The following GGT7 variants were observed in gnomAD, a reference collection of about 807,000 sequenced individuals.
The protein encoded by GGT7 is glutathione hydrolase 7.
GGT7 carries 30 observed loss-of-function variants against 69.2 expected under a neutral mutation model. The observed-to-expected ratio is 0.43, with a 90% CI of 0.32 to 0.59. The LOEUF (loss-of-function observed/expected upper bound fraction) is 0.59. GGT7 is among the 20% of genes least tolerant of loss of function. GGT7 has a pLI of 0.05. For synonymous variants in GGT7, 388 were observed against 391.8 expected, an observed-to-expected ratio of 0.99 and a Z score of 0.12; for missense variants, 733 against 901.1, an observed-to-expected ratio of 0.81 and a Z score of 2.39.
Position 34,859,633 on chromosome 20 carries a change from G to T in GGT7, c.824C>A (p.Ala275Asp). The change falls in exon 7 of 15, where the codon GCC becomes GAC. Residue 275 changes from alanine (A) to aspartate (D), a missense_variant. Ala to Asp is a moderately radical substitution (Grantham distance 126). Coordinates refer to ENST00000336431, the MANE Select transcript of GGT7 (RefSeq NM_178026.3). ...GFNVTHDLAR[A>D]LAEQLPPNMS... ...GTTGGGTGGCAGCTGTTCAGCCAGG[G>T]CACGGGCTAGGGGCAGGGACGGGAG... 1 of 1,594,204 alleles carries T rather than the reference G, an allele frequency of 6.3e-7. No homozygotes were observed.
chr20:34,854,805 C>A lies in GGT7; in HGVS notation c.1221G>T (p.Trp407Cys). 1 of 1,614,120 alleles carries A rather than the reference C, an allele frequency of 6.2e-7. No homozygotes were observed. The highest frequency in any genetic ancestry group is 8.5e-7 in the Non-Finnish European group (1 of 1,180,034). The change falls in exon 9 of 15, where the codon TGG becomes TGT. Residue 407 changes from tryptophan (W) to cysteine (C), a missense_variant. Physicochemically the swap from Trp to Cys is radical, Grantham distance 215. Coordinates refer to ENST00000336431, the MANE Select transcript of GGT7 (RefSeq NM_178026.3). ...GACGGGTCAGCCTTACCTCTGCCAC[C>A]CAGTGAAGAGCCTGTTCTCGGGATA... is the stretch of plus-strand genomic sequence containing the variant. ...SLVSREQALH[W>C]VAETLKIALA...
chr20:34,863,635 C>A lies in GGT7; in HGVS notation c.170-87G>T, dbSNP rs2079639402. 3 of 870,380 alleles carry A rather than the reference C, an allele frequency of 3.4e-6. No homozygotes were observed. Among genetic ancestry groups the A allele is most frequent in the Non-Finnish European group, 5.7e-6 (3 of 525,484 alleles). 53.9% of individuals were successfully genotyped at this position (870,380 alleles called of 1,614,324 possible). A position where few individuals can be genotyped will look rare whatever the true frequency, so the allele number is the denominator to read the frequency against. ...GTGGGACTATTCAGCGCTTTCCCTG[C>A]CCCGCCCCTGCCACACAATCCCCGC... On this transcript the variant is annotated intron_variant, in intron 1 of 14. Coordinates refer to ENST00000336431, the MANE Select transcript of GGT7 (RefSeq NM_178026.3). This position sits in a 1 kb window ranked among gnomAD's most constrained non-coding sequence, Gnocchi z 4.4.
In GGT7 at chr20:34,862,817, C is replaced by A; in HGVS notation, c.554G>T (p.Gly185Val). ...GIVAPHSSGL[G>V]GGGVMLVHDI... ...CCCGACCTCCACTGCTCCTTACCCG[C>A]CCAGGCCAGAACTGTGTGGAGCCAC... Residue 185 changes from glycine to valine, a missense_variant, in exon 3 of 15, where the codon GGC becomes GTC. Gly to Val is a moderately radical substitution (Grantham distance 109). Transcript: ENST00000336431. The A allele has an allele frequency of 6.2e-7, 1 of 1,614,052 alleles. No homozygotes were observed. The highest frequency in any genetic ancestry group is 1.1e-5 in the South Asian group (1 of 91,076).
rs2079625956 is a variant in GGT7, at chr20:34,863,082, C to T, written c.406-117G>A. 9 of 1,047,176 alleles carry T rather than the reference C, an allele frequency of 8.6e-6. No individual in the cohort carries two copies. Among genetic ancestry groups the T allele is most frequent in the Non-Finnish European group, 9.8e-6 (7 of 716,472 alleles). The allele number at this position is 1,047,176 out of a possible 1,614,324, so 64.9% of individuals were successfully genotyped here. ...AGGTCGAAGCCCTGCCCCCTTGTTG[C>T]CTTGACTCTGCCCTCATTACCCCAA... On this transcript the variant is annotated intron_variant, in intron 2 of 14. Transcript: ENST00000336431. This position sits in a 1 kb window ranked among gnomAD's most constrained non-coding sequence, Gnocchi z 4.4.
intron 6 of GGT7, 37 bp downstream of exon 6, chr20:34,859,932 A>G: frequency 3.6e-6 from 5 of 1,371,766 alleles, no homozygotes; most frequent in Non-Finnish European, 5.1e-6. Context: ...TTCTCCATCA[A>G]CCTCATGTCT....
chr20:34,847,707 A>G (rs745549553), intron 14 of GGT7, among the ~76,000 whole-genome samples: 2 of 152,254 alleles, frequency 1.3e-5, no homozygotes, highest in Non-Finnish European at 2.9e-5. Flanking sequence ...CTATTTGTAT[A>G]GCTAACAAAT....
At chr20:34,856,742 G>C in intron 8 of GGT7, 64 bp downstream of exon 8, 2 of 904,746 alleles carry the variant, frequency 2.2e-6, no homozygotes, top group Non-Finnish European at 3.6e-6. Flanking sequence ...AGGCCAAAAC[G>C]ATGTGGCCAT....
intron 14 of GGT7, 35 bp downstream of exon 14, chr20:34,849,926 G>C: frequency 7.6e-7 from 1 of 1,322,378 alleles, no homozygotes; most frequent in Non-Finnish European, 1.1e-6. Flanking sequence ...ACCTGTCCCT[G>C]TGCCCGCCCC....
At chr20:34,862,671 G>A in intron 3 of GGT7, 143 bp downstream of exon 3, 2 of 799,622 alleles carry the variant, frequency 2.5e-6, no homozygotes, top group Non-Finnish European at 4.2e-6. Flanking sequence ...GGAGAAGGGG[G>A]TGAAATTTGG....
In GGT7 at chr20:34,851,311, G is replaced by T. The variant is rs1447362603; in HGVS notation, c.1645C>A (p.Arg549=). 1 of 1,613,932 alleles carries T rather than the reference G, an allele frequency of 6.2e-7. No homozygotes were observed. The highest frequency in any genetic ancestry group is 8.5e-7 in the Non-Finnish European group (1 of 1,180,022). Residue 549 remains arginine, a synonymous_variant, in exon 13 of 15, where the codon CGA becomes AGA. Transcript: ENST00000336431. ...PLSFLLPTVV[R]PAEGLCGTYL... is the part of the protein sequence containing the mutation. The stretch of plus-strand genomic sequence containing the variant: ...GTTCCACAGAGCCCCTCCGCGGGTC[G>T]GACCACTGTGGGCAGCAGGAAAGAG...
At chr20:34,851,147 A>G (rs1422168529) in intron 13 of GGT7, 84 bp downstream of exon 13, 1 of 1,540,988 alleles carries the variant, frequency 6.5e-7, no homozygotes, top group African/African-American at 1.4e-5. Context: ...GAATGGAAAC[A>G]AGCCACAGAT....
chr20:34,845,415 C>T lies in GGT7; in HGVS notation c.1902G>A (p.Trp634Ter). The T allele has an allele frequency of 1.2e-6, 2 of 1,614,062 alleles. No individual in the cohort carries two copies. The highest frequency in any genetic ancestry group is 1.7e-6 in the Non-Finnish European group (2 of 1,179,978). Residue 634 changes from tryptophan to a stop codon, truncating the protein, a stop_gained, in exon 15 of 15, where the codon TGG becomes TGA. Transcript: ENST00000336431. LOFTEE classifies it high-confidence loss of function. ...HHVEKVDVLS[W>*]VHGSRRTNNF... is the part of the protein sequence containing the mutation. The stretch of plus-strand genomic sequence containing the variant: ...TGTTGGTCCTTCGGCTGCCATGGAC[C>T]CAGGATAAGACATCTACTTTCTCCA...
In GGT7 at chr20:34,851,265, T is replaced by C. The variant is rs374372409; in HGVS notation, c.1691A>G (p.Asn564Ser). 8.1e-6 allele frequency: 13 copies of C among 1,613,752 alleles called. No homozygotes were observed. The highest frequency in any genetic ancestry group is 8.0e-5 in the African/African-American group (6 of 74,940). ...GCCGCTGAGGCCCCGCGCAGCTCCA[T>C]TGGCCCCCAGAGCGAGGTAGGTTCC... ...LCGTYLALGA[N>S]GAARGLSGLT... Residue 564 changes from asparagine to serine, a missense_variant, in exon 13 of 15, where the codon AAT becomes AGT. Coordinates refer to ENST00000336431, the MANE Select transcript of GGT7 (RefSeq NM_178026.3).
intron 1 of GGT7, among the ~76,000 whole-genome samples, chr20:34,868,804 G>T (rs983250088): frequency 6.6e-6 from 1 of 152,194 alleles, no homozygotes; most frequent in African/African-American, 2.4e-5. Context: ...AAGTTGGTAG[G>T]ATGTAAGCCT....
intron 1 of GGT7, among the ~76,000 whole-genome samples, chr20:34,868,813 C>G (rs1233564344): frequency 3.3e-5 from 5 of 152,216 alleles, no homozygotes; most frequent in Non-Finnish European, 7.3e-5. Flanking sequence ...GGATGTAAGC[C>G]TGTAGCTGCT....
chr20:34,870,367 C>T (rs939955172), intron 1 of GGT7, among the ~76,000 whole-genome samples: 6 of 152,152 alleles, frequency 3.9e-5, no homozygotes, highest in Non-Finnish European at 5.9e-5. Flanking sequence ...CTCTCTCCTA[C>T]CATTCTTTCA....
intron 12 of GGT7, 74 bp downstream of exon 12, chr20:34,852,081 A>G (rs1601220508): frequency 1.1e-6 from 1 of 893,202 alleles, no homozygotes; most frequent in East Asian, 2.4e-5. Flanking sequence ...GTAGGGAGAA[A>G]GGGGCAGCCA....
chr20:34,866,473 T>C (rs1568943611), intron 1 of GGT7, among the ~76,000 whole-genome samples: 2 of 151,484 alleles, frequency 1.3e-5, no homozygotes, highest in East Asian at 3.9e-4. Flanking sequence ...ACACATATAT[T>C]TTGAAATGAA....
Position 34,863,565 on chromosome 20 carries a change from G to GCTGGATTCCCGCCCCTCCCTGATACCTA in GGT7, c.170-18_170-17insTAGGTATCAGGGAGGGGCGGGAATCCAG. On this transcript the variant is annotated splice_polypyrimidine_tract_variant and intron_variant, in intron 1 of 14. Coordinates refer to ENST00000336431, the MANE Select transcript of GGT7 (RefSeq NM_178026.3). The surrounding 1 kb of genome is among the most constrained non-coding windows in gnomAD (Gnocchi z 4.4). ...AGTCCGGGTCTGCGGGCAGGCAGCC[G>GCTGGATTCCCGCCCCTCCCTGATACCTA]GGGTCGGTCTGGGCATCTCCTATCT... 1.3e-6 allele frequency: 2 copies of GCTGGATTCCCGCCCCTCCCTGATACCTA among 1,531,532 alleles called. No homozygotes were observed. The highest frequency in any genetic ancestry group is 1.8e-6 in the Non-Finnish European group (2 of 1,129,074). The allele number at this position is 1,531,532 out of a possible 1,614,324, so 94.9% of individuals were successfully genotyped here.
Sources: allele counts gnomAD v4.1 joint callset (sites outside exome capture counted in the v4.1 genomes callset), GRCh38; gene constraint gnomAD v4.1.1; non-coding constraint Gnocchi (gnomAD v3.1); transcripts MANE v1.5; gene names NCBI Gene and HGNC (gene_info 2026-07-23, HGNC 2026-07-21).